The following MARCHF6 variants were observed in gnomAD, a reference collection of about 807,000 sequenced individuals.
The protein encoded by MARCHF6 is E3 ubiquitin-protein ligase MARCHF6.
MARCHF6 carries 31 observed loss-of-function variants against 133.7 expected under a neutral mutation model. The observed-to-expected ratio is 0.23, with a 90% CI of 0.17 to 0.31. The LOEUF is 0.31. MARCHF6 is among the 10% of genes least tolerant of loss of function. The probability of loss-of-function intolerance (pLI) is 1.00; values close to 1 mark genes in which losing one functional copy is unlikely to be tolerated. For synonymous variants in MARCHF6, 395 were observed against 402.5 expected (o/e 0.98, Z 0.22); for missense variants, 723 against 1,121.6 (o/e 0.64, Z 5.08).
Position 10,417,717 on chromosome 5 carries a change from CAAAAAAAAAAAAA to C in MARCHF6, c.2283+322_2283+334del, listed in dbSNP as rs748194332. 6.4e-3 allele frequency among the ~76,000 whole-genome samples: 338 copies of C among 52,522 alleles called. 2 individuals are homozygous for C. The highest frequency in any genetic ancestry group is 0.025 in the East Asian group (43 of 1,728). 34.5% of individuals were successfully genotyped at this position (52,522 alleles called of 152,430 possible). A position where few individuals can be genotyped will look rare whatever the true frequency, so the allele number is the denominator to read the frequency against. ...GGGCAACAGAGTAAGAGCCTCTGTC[CAAAAAAAAAAAAA>C]AAAAAAAAGACAAAAGGAAAAAAAT... On this transcript the variant is annotated intron_variant, in intron 22 of 25. Transcript: ENST00000274140.
Position 10,353,873 on chromosome 5 carries a change from G to A in MARCHF6, c.-26G>A. ...GCCCGGCCGCGGGAGCCTCGTGGCTGCGTCACCGCCGCCCCCCCAGACAAG... is the reference window on the plus strand; with the variant it reads ...GCCCGGCCGCGGGAGCCTCGTGGCTACGTCACCGCCGCCCCCCCAGACAAG... On this transcript the variant is annotated 5_prime_UTR_variant, in exon 1 of 26. Coordinates refer to ENST00000274140, the MANE Select transcript of MARCHF6 (RefSeq NM_005885.4). 2 of 1,559,460 alleles carry A rather than the reference G, an allele frequency of 1.3e-6. No homozygotes were observed. The highest frequency in any genetic ancestry group is 1.7e-6 in the Non-Finnish European group (2 of 1,156,860).
At chr5:10,431,249 T>C (rs1740343203) in intron 25 of MARCHF6, among the ~76,000 whole-genome samples, 1 of 152,198 alleles carries the variant, frequency 6.6e-6, no homozygotes, top group Non-Finnish European at 1.5e-5. Flanking sequence ...AGGGGTATTT[T>C]CAATGATGAA....
At chr5:10,424,031 G>T (rs1403774254) in intron 23 of MARCHF6, among the ~76,000 whole-genome samples, 3 of 142,612 alleles carry the variant, frequency 2.1e-5, no homozygotes. Context: ...CTCAACCCTT[G>T]TTTTTTTTAG....
intron 17 of MARCHF6, 68 bp downstream of exon 17, chr5:10,407,270 A>G (rs1397133649): frequency 3.1e-5 from 23 of 746,830 alleles, no homozygotes; most frequent in Non-Finnish European, 8.4e-6. Flanking sequence ...TTCAGATTAC[A>G]TTAAACATTT....
intron 1 of MARCHF6, among the ~76,000 whole-genome samples, chr5:10,355,834 C>G (rs1735424524): frequency 6.6e-6 from 1 of 152,188 alleles, no homozygotes; most frequent in Non-Finnish European, 1.5e-5. Flanking sequence ...CAGAGTCGCA[C>G]TTAAATTAGA....
rs957740954 is a variant in MARCHF6, at chr5:10,439,928, T to G, written c.*6244T>G. 6.6e-6 allele frequency: 1 copy of G among 152,330 alleles called. No individual in the cohort carries two copies. The highest frequency in any genetic ancestry group is 1.5e-5 in the Non-Finnish European group (1 of 68,082). The allele number at this position is 152,330 out of a possible 1,614,324, so 9.4% of individuals were successfully genotyped here. ...TACTATTTGCAATACCCAAATGTTC[T>G]TCAGGCTCTTTAGCCTCTTCATTTC... On this transcript the variant is annotated 3_prime_UTR_variant, in exon 26 of 26. Transcript: ENST00000274140.
At chr5:10,407,072 A>T in intron 16 of MARCHF6, 30 bp from the exon 17 acceptor site, 1 of 1,236,218 alleles carries the variant, frequency 8.1e-7, no homozygotes, top group Admixed American at 1.7e-5. Flanking sequence ...TGACTCTTAT[A>T]GTGGTGTCAT....
intron 10 of MARCHF6, among the ~76,000 whole-genome samples, chr5:10,399,507 A>G (rs573674097): frequency 3.3e-5 from 5 of 152,198 alleles, no homozygotes; most frequent in Non-Finnish European, 7.4e-5. Context: ...AAAGATAACT[A>G]TATTTTATTA....
At chr5:10,388,430 TGAGGTC>T (rs1737618656) in intron 5 of MARCHF6, among the ~76,000 whole-genome samples, 1 of 152,210 alleles carries the variant, frequency 6.6e-6, no homozygotes, top group Non-Finnish European at 1.5e-5. Context: ...GCTCAGTAAT[TGAGGTC>T]ATGTCTAGGT....
chr5:10,423,627 A>C (rs1161235032), intron 22 of MARCHF6, 108 bp from the exon 23 acceptor site: 13 of 627,624 alleles, frequency 2.1e-5, no homozygotes, highest in Non-Finnish European at 3.3e-5. Flanking sequence ...CCAATCCTAT[A>C]GAACTTCTAT....
chr5:10,406,960 A>C, intron 16 of MARCHF6, 142 bp from the exon 17 acceptor site: 1 of 472,704 alleles, frequency 2.1e-6, no homozygotes, highest in Admixed American at 3.2e-5. Context: ...ACTCAAAGAT[A>C]ATGTGTAGAG....
chr5:10,398,993 A>G (rs779400739), intron 10 of MARCHF6, among the ~76,000 whole-genome samples: 30 of 152,202 alleles, frequency 2.0e-4, no homozygotes, highest in Non-Finnish European at 1.8e-4. Flanking sequence ...TTGCAGAAAT[A>G]TAATTTGACA....
chr5:10,356,173 TC>T (rs1162254768), intron 1 of MARCHF6, among the ~76,000 whole-genome samples: 1 of 151,952 alleles, frequency 6.6e-6, no homozygotes, highest in African/African-American at 2.4e-5. Flanking sequence ...ATTTGTGAAA[TC>T]AGTTATTATA....
At chr5:10,389,411 C>G (rs918680455) in intron 5 of MARCHF6, among the ~76,000 whole-genome samples, 2 of 151,230 alleles carry the variant, frequency 1.3e-5, no homozygotes, top group African/African-American at 4.9e-5. Context: ...TGAAAAATTT[C>G]TTTTTTTTTG....
At chr5:10,396,903 G>A (rs1738225927) in intron 9 of MARCHF6, among the ~76,000 whole-genome samples, 1 of 152,184 alleles carries the variant, frequency 6.6e-6, no homozygotes, top group Non-Finnish European at 1.5e-5. Flanking sequence ...AAACACTGCA[G>A]TTGACGTTAA....
At chr5:10,381,734 T>C (rs1737160988) in intron 3 of MARCHF6, 66 bp from the exon 4 acceptor site, 3 of 1,269,274 alleles carry the variant, frequency 2.4e-6, no homozygotes, top group Non-Finnish European at 3.3e-6. Context: ...ATGTCTATTT[T>C]ATATTTATGA....
At chr5:10,383,842 G>T (rs1481897964) in intron 4 of MARCHF6, among the ~76,000 whole-genome samples, 1 of 152,192 alleles carries the variant, frequency 6.6e-6, no homozygotes, top group South Asian at 2.1e-4. Flanking sequence ...ATCTTAACGT[G>T]GGAGAAATTG....
At chr5:10,366,937 G>A (rs555377883) in intron 1 of MARCHF6, among the ~76,000 whole-genome samples, 28 of 152,258 alleles carry the variant, frequency 1.8e-4, no homozygotes, top group Admixed American at 1.6e-3. Flanking sequence ...AGTTGATCAC[G>A]ACCCTCAGTC....
chr5:10,399,978 C>T (rs981213861), intron 10 of MARCHF6, among the ~76,000 whole-genome samples: 1 of 152,116 alleles, frequency 6.6e-6, no homozygotes, highest in African/African-American at 2.4e-5. Flanking sequence ...GAAGTCAGAT[C>T]TAAGGGCCTT....
Sources: gnomAD v4.1 joint callset for allele counts (sites outside exome capture counted in the v4.1 genomes callset) on GRCh38, gnomAD v4.1.1 for gene constraint, MANE v1.5 for transcripts, NCBI Gene and HGNC (gene_info 2026-07-23, HGNC 2026-07-21) for gene names.